NUP93: variants seen among roughly 807,000 people sequenced by gnomAD.
NUP93 encodes nucleoporin 93.
In NUP93, 55 loss-of-function variants were observed where a neutral mutation model predicts 107.8. The ratio of observed to expected loss-of-function variants is 0.51; its 90% CI spans 0.41 to 0.64. The LOEUF is 0.64. Ranked by LOEUF, NUP93 falls within the 30% of genes least tolerant of loss-of-function variation. NUP93 has a pLI of 0.00. For synonymous variants in NUP93, 390 were observed against 397.5 expected (o/e 0.98, Z 0.22); for missense variants, 937 against 1,044.7 (o/e 0.90, Z 1.42).
At chr16:56,816,268 T>C (rs1467664851) in intron 5 of NUP93, among the ~76,000 whole-genome samples, 1 of 152,260 alleles carries the variant, frequency 6.6e-6, no homozygotes, top group Non-Finnish European at 1.5e-5. Context: ...TTGTTATTAT[T>C]GTAACCCAGT....
At chr16:56,812,033 T>C (rs1258408598) in intron 5 of NUP93, among the ~76,000 whole-genome samples, 4 of 152,108 alleles carry the variant, frequency 2.6e-5, no homozygotes, top group African/African-American at 9.6e-5. Context: ...ATTAAAGGAG[T>C]ATGACAATAT....
At position 56,823,797 on chromosome 16, in the gene NUP93, G is replaced by A. The variant is rs1963600007; in HGVS notation, c.745G>A (p.Glu249Lys). The stretch of plus-strand genomic sequence containing the variant: ...TGCCCTGAAGAACCGCAGCAGCGTG[G>A]AAGTGCGCATGGAGTTTGTCAGGCA... ...TDALKNRSSV[E>K]VRMEFVRQAL... Residue 249 changes from glutamate (E) to lysine (K), a missense_variant, in exon 8 of 22, where the codon GAA (glutamate) becomes AAA (lysine). Transcript: ENST00000308159. 1 of 1,614,074 alleles carries A rather than the reference G, an allele frequency of 6.2e-7. No homozygotes were observed. Among genetic ancestry groups the A allele is most frequent in the Non-Finnish European group, 8.5e-7 (1 of 1,180,042 alleles).
At chr16:56,778,628 G>A (rs1281443238) in intron 3 of NUP93, among the ~76,000 whole-genome samples, 1 of 152,160 alleles carries the variant, frequency 6.6e-6, no homozygotes, top group Non-Finnish European at 1.5e-5. Context: ...GGTGCCTGAT[G>A]GGCTTAAGAA....
chr16:56,841,313 G>A (rs1412490626), intron 20 of NUP93, among the ~76,000 whole-genome samples: 3 of 152,208 alleles, frequency 2.0e-5, no homozygotes, highest in Non-Finnish European at 4.4e-5. Context: ...AGAGTGAGGA[G>A]TGGTAGGGAC....
intron 5 of NUP93, among the ~76,000 whole-genome samples, chr16:56,813,164 T>G (rs1963351646): frequency 6.6e-6 from 1 of 152,202 alleles, no homozygotes; most frequent in Non-Finnish European, 1.5e-5. Flanking sequence ...ATGTAAACAG[T>G]GTATGTTGAA....
At position 56,846,739 on chromosome 16, in the gene NUP93, T is replaced by C. The variant is rs747822689; in HGVS notation, c.*2130T>C. On this transcript the variant is annotated 3_prime_UTR_variant, in exon 22 of 22. Coordinates refer to ENST00000308159, the MANE Select transcript of NUP93 (RefSeq NM_014669.5). ...ATAAAAATAAGAGTACTCTGTGGAC[T>C]TTTCATAAAGTGCAACTTAGTGCTT... The C allele has an allele frequency of 6.6e-6, 1 of 152,190 alleles. No homozygotes were observed. The highest frequency in any genetic ancestry group is 1.5e-5 in the Non-Finnish European group (1 of 68,042). 9.4% of individuals were successfully genotyped at this position (152,190 alleles called of 1,614,324 possible).
chr16:56,831,774 C>G, intron 10 of NUP93, 68 bp from the exon 11 acceptor site: 1 of 1,515,114 alleles, frequency 6.6e-7, no homozygotes, highest in African/African-American at 1.4e-5. Flanking sequence ...GGACCTGGGA[C>G]GCTTTCAGAT....
Position 56,758,569 on chromosome 16 carries a change from A to G in NUP93, c.211A>G (p.Ile71Val), listed in dbSNP as rs756214659. 33 of 1,613,714 alleles carry G rather than the reference A, an allele frequency of 2.0e-5. 1 individual carries two copies. The Admixed American group carries it at 5.3e-4, about 26-fold the overall frequency. ...SVLLGSRGLDISHISQRLESL... is the reference protein window; with the variant it reads ...SVLLGSRGLDVSHISQRLESL... ...TCTCCTCGGGTCTCGGGGACTTGAC[A>G]TATCCCACATCTCCCAGCGATTGGA... The change falls in exon 3 of 22, where the codon ATA becomes GTA. Residue 71 changes from isoleucine to valine, a missense_variant. Transcript: ENST00000308159.
chr16:56,732,784 G>A (rs932820911), intron 1 of NUP93, among the ~76,000 whole-genome samples: 6 of 152,218 alleles, frequency 3.9e-5, no homozygotes, highest in African/African-American at 1.4e-4. Context: ...TTTCACTGGT[G>A]TGTTCAGGGA....
intron 3 of NUP93, among the ~76,000 whole-genome samples, chr16:56,789,779 T>C (rs1172442418): frequency 6.6e-6 from 1 of 152,238 alleles, no homozygotes; most frequent in Non-Finnish European, 1.5e-5. Flanking sequence ...GAACAAACAA[T>C]TTAAAGTATT....
At chr16:56,738,067 A>G (rs900533718) in intron 1 of NUP93, among the ~76,000 whole-genome samples, 1 of 152,228 alleles carries the variant, frequency 6.6e-6, no homozygotes, top group African/African-American at 2.4e-5. Flanking sequence ...TTCCATCACC[A>G]CTAAAATGGG....
At chr16:56,745,175 T>C (rs929015922) in intron 1 of NUP93, among the ~76,000 whole-genome samples, 7 of 152,040 alleles carry the variant, frequency 4.6e-5, no homozygotes, top group Non-Finnish European at 8.8e-5. Context: ...CCGAAACAGA[T>C]AGGGAGTCAG....
intron 1 of NUP93, among the ~76,000 whole-genome samples, chr16:56,740,023 G>C (rs80303638): frequency 0.64 from 11,182 of 17,452 alleles, 3,302 homozygotes; most frequent in Middle Eastern, 1. Flanking sequence ...TAGGGGCGGC[G>C]GGGCAGAGGC....
intron 1 of NUP93, among the ~76,000 whole-genome samples, chr16:56,741,607 A>C (rs1255304959): frequency 5.9e-5 from 9 of 152,196 alleles, no homozygotes; most frequent in African/African-American, 2.2e-4. Context: ...TAAAATATCG[A>C]AAATAATCAA....
Position 56,849,885 on chromosome 16 carries a change from G to C in NUP93, c.*5276G>C, listed in dbSNP as rs1964156837. On this transcript the variant is annotated 3_prime_UTR_variant, in exon 22 of 22. Transcript: ENST00000308159. ...AATGACTGAGATACGCAGTTTTGAA[G>C]AGCTAGGCAGGCAGCTGAGCGGGAT... 1.3e-5 allele frequency: 2 copies of C among 152,168 alleles called. No homozygotes were observed. The highest frequency in any genetic ancestry group is 1.3e-4 in the Admixed American group (2 of 15,278). 9.4% of individuals were successfully genotyped at this position (152,168 alleles called of 1,614,324 possible). A position where few individuals can be genotyped will look rare whatever the true frequency, so the allele number is the denominator to read the frequency against.
At chr16:56,834,482 G>T (rs1412573369) in intron 15 of NUP93, 40 bp downstream of exon 15, 2 of 1,594,092 alleles carry the variant, frequency 1.3e-6, no homozygotes, top group Non-Finnish European at 8.6e-7. Context: ...ATGGTTTTCA[G>T]TGTGCATGTC....
chr16:56,823,587 G>A lies in NUP93; in HGVS notation c.655-120G>A, dbSNP rs941795546. 7 of 1,180,616 alleles carry A rather than the reference G, an allele frequency of 5.9e-6. No homozygotes were observed. The Admixed American group carries it at 9.3e-5, about 16-fold the overall frequency. The allele number at this position is 1,180,616 out of a possible 1,614,324, so 73.1% of individuals were successfully genotyped here. On this transcript the variant is annotated intron_variant, in intron 7 of 21. Coordinates refer to ENST00000308159, the MANE Select transcript of NUP93 (RefSeq NM_014669.5). ...AGCTTAAGCCTAGCCGTCACAGACA[G>A]ATGACATTAACCTCATCCCCCACCA...
intron 5 of NUP93, among the ~76,000 whole-genome samples, chr16:56,815,905 C>G (rs868479811): frequency 8.0e-6 from 1 of 125,220 alleles, no homozygotes; most frequent in Non-Finnish European, 1.8e-5. Context: ...GCTGGTGCTG[C>G]TGCTGCTGCT....
At chr16:56,756,157 G>T (rs377074381) in intron 2 of NUP93, among the ~76,000 whole-genome samples, 1 of 151,772 alleles carries the variant, frequency 6.6e-6, no homozygotes, top group Non-Finnish European at 1.5e-5. Context: ...TTTAAGTTCC[G>T]GGATACATGT....
Sources: gnomAD v4.1 joint callset for allele counts (sites outside exome capture counted in the v4.1 genomes callset) on GRCh38, gnomAD v4.1.1 for gene constraint, MANE v1.5 for transcripts, NCBI Gene and HGNC (gene_info 2026-07-23, HGNC 2026-07-21) for gene names.